PPP2R2C: variants seen among roughly 807,000 people sequenced by gnomAD.
PPP2R2C encodes the protein protein phosphatase 2, regulatory subunit B, gamma.
In PPP2R2C, 10 loss-of-function variants were observed where a neutral mutation model predicts 45.3. The ratio of observed to expected loss-of-function variants is 0.22; its 90% CI spans 0.14 to 0.37. The LOEUF (loss-of-function observed/expected upper bound fraction) is 0.37, where lower values mean the gene tolerates loss of function less well. Ranked by LOEUF, PPP2R2C falls within the 10% of genes least tolerant of loss-of-function variation. The pLI is 1.00. For synonymous variants in PPP2R2C, 257 were observed against 245.4 expected, an observed-to-expected ratio of 1.05 and a Z score of -0.44; for missense variants, 308 against 619.7, an observed-to-expected ratio of 0.50 and a Z score of 5.34.
intron 1 of PPP2R2C, among the ~76,000 whole-genome samples, chr4:6,412,841 C>T (rs1271124077): frequency 6.6e-6 from 1 of 152,112 alleles, no homozygotes; most frequent in African/African-American, 2.4e-5. Flanking sequence ...AGAAGAAGGG[C>T]CTACAAAAGC....
intron 5 of PPP2R2C, among the ~76,000 whole-genome samples, chr4:6,354,215 GT>G (rs1712923649): frequency 6.6e-6 from 1 of 151,694 alleles, no homozygotes; most frequent in Non-Finnish European, 1.5e-5. Context: ...CACCCTGCGT[GT>G]TGGCCTCTCC....
chr4:6,524,862 G>C (rs1448308082), intron 2 of PPP2R2C, among the ~76,000 whole-genome samples: 2 of 150,874 alleles, frequency 1.3e-5, no homozygotes, highest in African/African-American at 4.9e-5. Flanking sequence ...GCTGAGGTGG[G>C]AGGATCCCTT....
intron 6 of PPP2R2C, among the ~76,000 whole-genome samples, chr4:6,346,658 T>C (rs1331582600): frequency 6.7e-6 from 1 of 150,254 alleles, no homozygotes; most frequent in Non-Finnish European, 1.5e-5. Context: ...GATGAGGGGG[T>C]GGATGTGGGG....
At chr4:6,535,259 C>T (rs764686894) in intron 2 of PPP2R2C, 324 of 1,535,228 alleles carry the variant, frequency 2.1e-4, no homozygotes, top group Non-Finnish European at 2.5e-4. Flanking sequence ...GCTGTGAGAA[C>T]GGGCTTCTTA....
chr4:6,350,633 C>T (rs1490451309), intron 5 of PPP2R2C: 1 of 982,120 alleles, frequency 1.0e-6, no homozygotes, highest in Non-Finnish European at 1.2e-6. Flanking sequence ...CAAATGCTGA[C>T]ACCCAGGGGG....
At chr4:6,512,260 G>A (rs1490541213) in intron 2 of PPP2R2C, among the ~76,000 whole-genome samples, 7 of 99,434 alleles carry the variant, frequency 7.0e-5, no homozygotes, top group Non-Finnish European at 8.6e-5. Flanking sequence ...GGTGATGGTG[G>A]TGGTGGTGAT....
chr4:6,476,563 A>G (rs1041291760), upstream of PPP2R2C, among the ~76,000 whole-genome samples: 1 of 152,272 alleles, frequency 6.6e-6, no homozygotes, highest in East Asian at 1.9e-4. Flanking sequence ...CGGCACTTTG[A>G]CCTTGGACTT....
chr4:6,510,998 C>G (rs66913651), intron 2 of PPP2R2C, among the ~76,000 whole-genome samples: 1 of 77,164 alleles, frequency 1.3e-5, no homozygotes, highest in African/African-American at 4.2e-5. Context: ...AACAAACAAA[C>G]AAAAAAAAAA....
Position 6,471,326 on chromosome 4 carries a change from C to T in PPP2R2C, c.70+834G>A, listed in dbSNP as rs1439237301. ...GGGGTCACTCCGCGGGCCCTGCCTGCGCACGGAAGCTGTCCCCACTGTTCC... is the reference window on the plus strand; with the variant it reads ...GGGGTCACTCCGCGGGCCCTGCCTGTGCACGGAAGCTGTCCCCACTGTTCC... On this transcript the variant is annotated intron_variant, in intron 1 of 8. Transcript: ENST00000382599. The surrounding 1 kb of genome is among the most constrained non-coding windows in gnomAD (Gnocchi z 5.6). Among the ~76,000 whole-genome samples the T allele has an allele frequency of 1.3e-5, 2 of 152,260 alleles. No homozygotes were observed. The highest frequency in any genetic ancestry group is 3.9e-4 in the East Asian group (2 of 5,148).
intron 1 of PPP2R2C, among the ~76,000 whole-genome samples, chr4:6,458,414 G>A (rs73207834): frequency 0.092 from 13,944 of 152,166 alleles, 854 homozygotes; most frequent in Non-Finnish European, 0.14. Flanking sequence ...GTGCCTTCTC[G>A]CTGCGTCCTC....
intron 2 of PPP2R2C, among the ~76,000 whole-genome samples, chr4:6,519,900 C>CA (rs1411000846): frequency 1.7e-5 from 2 of 118,296 alleles, no homozygotes; most frequent in African/African-American, 6.6e-5. Flanking sequence ...TGTGGGCTTG[C>CA]AGTCAGGTAA....
At chr4:6,421,903 C>G (rs567824633) in intron 1 of PPP2R2C, among the ~76,000 whole-genome samples, 2 of 152,168 alleles carry the variant, frequency 1.3e-5, no homozygotes, top group South Asian at 4.1e-4. Context: ...CTCTGCCTCC[C>G]GATAACCAAA....
At chr4:6,449,644 A>G (rs1720634230) in intron 1 of PPP2R2C, among the ~76,000 whole-genome samples, 1 of 152,214 alleles carries the variant, frequency 6.6e-6, no homozygotes, top group Non-Finnish European at 1.5e-5. Context: ...CAGCAGGAAA[A>G]CAAATCTCTA....
chr4:6,483,113 GGATAGATAGATA>G (rs35392985), intron 2 of PPP2R2C, among the ~76,000 whole-genome samples: 98 of 140,872 alleles, frequency 7.0e-4, no homozygotes, highest in Non-Finnish European at 9.7e-4. Flanking sequence ...ATAGATAAAT[GGATAGATAGATA>G]GATAGATAGA....
intron 1 of PPP2R2C, among the ~76,000 whole-genome samples, chr4:6,470,956 C>A (rs1412615620): frequency 6.6e-6 from 1 of 150,870 alleles, no homozygotes; most frequent in Non-Finnish European, 1.5e-5. Flanking sequence ...CCCGAGCCCG[C>A]CCGCGCCCGC....
chr4:6,550,523 T>C (rs1725150417), intron 1 of PPP2R2C, among the ~76,000 whole-genome samples: 1 of 152,214 alleles, frequency 6.6e-6, no homozygotes, highest in African/African-American at 2.4e-5. Context: ...CTCATTCTTC[T>C]AGCTTAATAT....
chr4:6,526,483 T>C (rs948545853), intron 2 of PPP2R2C, among the ~76,000 whole-genome samples: 5 of 152,252 alleles, frequency 3.3e-5, no homozygotes, highest in Non-Finnish European at 7.3e-5. Flanking sequence ...TGGTGATGGT[T>C]GTATAACATG....
intron 4 of PPP2R2C, among the ~76,000 whole-genome samples, chr4:6,374,938 A>G (rs1476412426): frequency 6.6e-6 from 1 of 152,210 alleles, no homozygotes; most frequent in East Asian, 1.9e-4. Flanking sequence ...CAGGGCACCC[A>G]GGTTCTCAGT....
At chr4:6,394,564 T>C (rs866154118) in intron 1 of PPP2R2C, among the ~76,000 whole-genome samples, 1 of 152,220 alleles carries the variant, frequency 6.6e-6, no homozygotes, top group African/African-American at 2.4e-5. Flanking sequence ...AGTCTCAGTT[T>C]TCCCATTTGC....
Sources: gnomAD v4.1 joint callset for allele counts (sites outside exome capture counted in the v4.1 genomes callset) on GRCh38, gnomAD v4.1.1 for gene constraint, Gnocchi (gnomAD v3.1) non-coding constraint, MANE v1.5 for transcripts, NCBI Gene and HGNC (gene_info 2026-07-23, HGNC 2026-07-21) for gene names.